GRIP1: variants seen among roughly 807,000 people sequenced by gnomAD.
GRIP1 encodes the protein glutamate receptor-interacting protein 1.
In GRIP1, 45 loss-of-function variants were observed where a neutral mutation model predicts 129.9. That is an observed-to-expected ratio of 0.35 (90% CI 0.27 to 0.44). The LOEUF is 0.44. GRIP1 is among the 20% of genes least tolerant of loss of function. The pLI is 1.00. For synonymous variants in GRIP1, 530 were observed against 520.8 expected (o/e 1.02, Z -0.24); for missense variants, 1,196 against 1,396.8 (o/e 0.86, Z 2.29).
At position 66,462,906 on chromosome 12, in the gene GRIP1, C is replaced by T; in HGVS notation, c.1042+18G>A. On this transcript the variant is annotated intron_variant, in intron 9 of 24. Transcript: ENST00000359742. ...GTGAGGGCCAGAGAAAGAGCTTGAT[C>T]CAGGTGGACCATCTCACCATGGTCG... The T allele has an allele frequency of 6.2e-7, 1 of 1,605,866 alleles. No individual in the cohort carries two copies. The highest frequency in any genetic ancestry group is 8.5e-7 in the Non-Finnish European group (1 of 1,174,160).
chr12:66,945,528 C>T (rs1222028925), intron 1 of GRIP1, among the ~76,000 whole-genome samples: 1 of 151,964 alleles, frequency 6.6e-6, no homozygotes, highest in Non-Finnish European at 1.5e-5. Flanking sequence ...GGGAGAAGTC[C>T]TCTCACATGG....
chr12:66,983,762 T>C (rs1191757229), intron 1 of GRIP1, among the ~76,000 whole-genome samples: 1 of 152,194 alleles, frequency 6.6e-6, no homozygotes, highest in Non-Finnish European at 1.5e-5. Context: ...ATCATCTGTG[T>C]AACCTACAGG....
chr12:66,456,814 G>C (rs914428661), intron 9 of GRIP1, among the ~76,000 whole-genome samples: 1 of 152,116 alleles, frequency 6.6e-6, no homozygotes, highest in African/African-American at 2.4e-5. Flanking sequence ...TGGTTTACTA[G>C]TCACACATCA....
chr12:66,418,617 T>TA (rs1322875959), intron 15 of GRIP1, among the ~76,000 whole-genome samples: 1 of 152,080 alleles, frequency 6.6e-6, no homozygotes, highest in African/African-American at 2.4e-5. Flanking sequence ...GTAATCCTAT[T>TA]AAAAAATGGC....
chr12:66,579,910 C>T (rs186311830), intron 2 of GRIP1, among the ~76,000 whole-genome samples: 21 of 148,944 alleles, frequency 1.4e-4, no homozygotes, highest in Admixed American at 1.1e-3. Context: ...CAGAGAACAC[C>T]ACAAAGATAC....
At chr12:66,419,529 T>C (rs2057729385) in intron 15 of GRIP1, among the ~76,000 whole-genome samples, 1 of 152,212 alleles carries the variant, frequency 6.6e-6, no homozygotes, top group Non-Finnish European at 1.5e-5. Context: ...TTACTGTGCA[T>C]TGCATGCCTT....
chr12:66,449,754 C>A (rs2058725961), intron 11 of GRIP1, among the ~76,000 whole-genome samples: 1 of 152,166 alleles, frequency 6.6e-6, no homozygotes. Context: ...ATGTTGCATT[C>A]CAGTTATTAC....
intron 19 of GRIP1, among the ~76,000 whole-genome samples, chr12:66,382,689 T>C (rs1323117837): frequency 6.6e-6 from 1 of 152,198 alleles, no homozygotes; most frequent in East Asian, 1.9e-4. Context: ...ATTAATGCAG[T>C]AAACACTTGG....
At chr12:66,512,327 T>C (rs576788692) in intron 7 of GRIP1, among the ~76,000 whole-genome samples, 38 of 152,082 alleles carry the variant, frequency 2.5e-4, no homozygotes, top group Admixed American at 7.9e-4. Context: ...CAGAAGAAGA[T>C]AGAAGATGTG....
intron 13 of GRIP1, among the ~76,000 whole-genome samples, chr12:66,437,408 T>A (rs1208952058): frequency 6.6e-6 from 1 of 152,196 alleles, no homozygotes; most frequent in African/African-American, 2.4e-5. Flanking sequence ...ATGTCTGTCA[T>A]GAGGAAGGAA....
Position 66,529,883 on chromosome 12 carries a change from T to C in GRIP1, c.450A>G (p.Thr150=), listed in dbSNP as rs1174286523. Residue 150 remains threonine (T), a synonymous_variant, in exon 5 of 25, where the codon ACA becomes ACG. Coordinates refer to ENST00000359742, the MANE Select transcript of GRIP1 (RefSeq NM_001366722.1). ...CTTCTTTATGTAATGTGACCTCCAC[T>C]GTTCGGAAAATAACACTTGATCCTT... The part of the protein sequence containing the change: ...SVQGSSVIFR[T]VEVTLHKEGN... 1.2e-6 allele frequency: 2 copies of C among 1,605,886 alleles called. No homozygotes were observed. The highest frequency in any genetic ancestry group is 1.7e-6 in the Non-Finnish European group (2 of 1,172,434).
At chr12:66,392,525 TA>T in intron 18 of GRIP1, 23 bp from the exon 19 acceptor site, 1 of 1,607,678 alleles carries the variant, frequency 6.2e-7, no homozygotes, top group Non-Finnish European at 8.5e-7. Flanking sequence ...GAAAGGAGTT[TA>T]AGTATCAGAG....
In GRIP1 at chr12:66,793,450, G is replaced by GA. The variant is rs991776941; in HGVS notation, c.-420+10602dup. ...CAGTCCCTAATTTCAGATTCAGTGG[G>GA]AAAAAAAACAACAACAACAAAGTCA... On this transcript the variant is annotated intron_variant, in intron 1 of 4. Coordinates refer to the GRIP1 transcript ENST00000538373. Among the ~76,000 whole-genome samples, 6 of 151,622 alleles carry GA rather than the reference G, an allele frequency of 4.0e-5. No homozygotes were observed. The East Asian group carries it at 9.7e-4, about 24-fold the overall frequency.
chr12:66,527,174 G>C (rs2061274830), intron 5 of GRIP1, among the ~76,000 whole-genome samples: 1 of 148,846 alleles, frequency 6.7e-6, no homozygotes, highest in Non-Finnish European at 1.5e-5. Context: ...TCCCATTACT[G>C]GGTATATACC....
intron 7 of GRIP1, among the ~76,000 whole-genome samples, chr12:66,479,188 GA>G (rs1208069543): frequency 2.6e-5 from 4 of 151,350 alleles, no homozygotes; most frequent in East Asian, 1.9e-4. Flanking sequence ...TAATAAGGAA[GA>G]AAAGAGAAAA....
intron 1 of GRIP1, among the ~76,000 whole-genome samples, chr12:66,877,398 A>T (rs2040401587): frequency 6.6e-6 from 1 of 152,086 alleles, no homozygotes; most frequent in Non-Finnish European, 1.5e-5. Flanking sequence ...ACTAAAAGGC[A>T]GTGTTATTAA....
intron 1 of GRIP1, among the ~76,000 whole-genome samples, chr12:66,630,922 T>C (rs1398124375): frequency 2.0e-5 from 3 of 152,066 alleles, no homozygotes; most frequent in Non-Finnish European, 4.4e-5. Flanking sequence ...TTAGTAATAA[T>C]AGATGAGAAA....
intron 1 of GRIP1, among the ~76,000 whole-genome samples, chr12:67,063,067 T>C (rs2043562587): frequency 6.6e-6 from 1 of 152,230 alleles, no homozygotes; most frequent in Non-Finnish European, 1.5e-5. Flanking sequence ...TTAATTTCAT[T>C]TAATCCTCAC....
upstream of GRIP1, chr12:67,069,257 T>G (rs536819806): frequency 1.2e-5 from 3 of 253,870 alleles, no homozygotes; most frequent in Non-Finnish European, 1.8e-5. Context: ...CCCGGGCACA[T>G]TGAAGCGGCG....
Sources: allele counts gnomAD v4.1 joint callset (sites outside exome capture counted in the v4.1 genomes callset), GRCh38; gene constraint gnomAD v4.1.1; transcripts MANE v1.5; gene names NCBI Gene and HGNC (gene_info 2026-07-23, HGNC 2026-07-21).